DDX60: variants seen among roughly 807,000 people sequenced by gnomAD.
The protein encoded by DDX60 is DExD/H-box helicase 60.
In DDX60, 165 loss-of-function variants were observed where a neutral mutation model predicts 212.8. That is an observed-to-expected ratio of 0.78 (90% CI 0.68 to 0.88). DDX60 has a LOEUF of 0.88. DDX60 is among the 40% of genes least tolerant of loss of function. DDX60 has a pLI of 0.00. For synonymous variants in DDX60, 703 were observed against 685.3 expected (o/e 1.03, Z -0.40); for missense variants, 1,905 against 2,003.9 (o/e 0.95, Z 0.94).
chr4:168,263,438 C>T (rs1173938171), intron 22 of DDX60: 1 of 152,182 alleles, frequency 6.6e-6, no homozygotes, highest in Non-Finnish European at 1.5e-5. Flanking sequence ...ATCACTACTG[C>T]TACAAATCAT....
intron 5 of DDX60, among the ~76,000 whole-genome samples, chr4:168,304,965 C>G (rs1380812956): frequency 2.0e-5 from 3 of 152,204 alleles, no homozygotes; most frequent in Non-Finnish European, 4.4e-5. Context: ...CCCAGGGCAA[C>G]TTCTGGTCCT....
At chr4:168,233,886 T>G (rs1055908575) in intron 33 of DDX60, among the ~76,000 whole-genome samples, 1 of 152,102 alleles carries the variant, frequency 6.6e-6, no homozygotes. Flanking sequence ...AAAATTCATA[T>G]GTGGTCATCC....
chr4:168,303,354 G>A (rs552106458), intron 5 of DDX60, among the ~76,000 whole-genome samples: 1 of 151,838 alleles, frequency 6.6e-6, no homozygotes, highest in South Asian at 2.1e-4. Context: ...TGTAGGTACT[G>A]TTAAAACTCA....
At chr4:168,235,072 T>C (rs879330276) in intron 33 of DDX60, among the ~76,000 whole-genome samples, 14 of 152,136 alleles carry the variant, frequency 9.2e-5, no homozygotes, top group Non-Finnish European at 1.8e-4. Context: ...GCTTCGAAAA[T>C]GTCTTGAGGG....
At chr4:168,285,893 A>G (rs1176719065) in intron 10 of DDX60, among the ~76,000 whole-genome samples, 4 of 110,864 alleles carry the variant, frequency 3.6e-5, no homozygotes, top group African/African-American at 1.6e-4. Context: ...GGAAGGAGGG[A>G]AGAAAGGAAG....
At chr4:168,222,663 C>A (rs1733103679) in intron 35 of DDX60, among the ~76,000 whole-genome samples, 1 of 152,074 alleles carries the variant, frequency 6.6e-6, no homozygotes, top group South Asian at 2.1e-4. Flanking sequence ...GCGTTCACTC[C>A]TGCTGAGACT....
chr4:168,275,292 A>G (rs1735284369), intron 16 of DDX60, 53 bp downstream of exon 16: 1 of 1,464,556 alleles, frequency 6.8e-7, no homozygotes, highest in Admixed American at 2.1e-5. Flanking sequence ...GAAACCTCTG[A>G]GATCACATAT....
chr4:168,312,860 G>A (rs934720592), intron 1 of DDX60, among the ~76,000 whole-genome samples: 1 of 151,174 alleles, frequency 6.6e-6, no homozygotes. Flanking sequence ...TGACTGTAAT[G>A]ACAAATAAGT....
intron 6 of DDX60, among the ~76,000 whole-genome samples, chr4:168,294,979 G>A (rs192921094): frequency 1.1e-4 from 16 of 152,164 alleles, no homozygotes; most frequent in Admixed American, 3.3e-4. Flanking sequence ...TATGCTCAGC[G>A]TTAATAATTA....
chr4:168,321,179 C>A (rs904894115), upstream of DDX60, among the ~76,000 whole-genome samples: 2 of 152,046 alleles, frequency 1.3e-5, no homozygotes, highest in Admixed American at 1.3e-4. Flanking sequence ...ACTCCCATGA[C>A]CACACCCTGG....
intron 33 of DDX60, among the ~76,000 whole-genome samples, chr4:168,229,558 A>G (rs1733374472): frequency 6.6e-6 from 1 of 151,928 alleles, no homozygotes; most frequent in African/African-American, 2.4e-5. Flanking sequence ...GGCTGCAGCA[A>G]GTGGGGAGGT....
chr4:168,239,409 G>GATAC (rs1195104772), intron 30 of DDX60, among the ~76,000 whole-genome samples: 12 of 150,720 alleles, frequency 8.0e-5, no homozygotes, highest in Non-Finnish European at 1.8e-4. Context: ...TAGATAGATA[G>GATAC]ATAGAGGTAG....
At chr4:168,234,196 T>C (rs983086916) in intron 33 of DDX60, among the ~76,000 whole-genome samples, 12 of 152,120 alleles carry the variant, frequency 7.9e-5, no homozygotes, top group South Asian at 2.1e-4. Flanking sequence ...TTTTTCTACA[T>C]TTATCCTCCC....
chr4:168,226,206 C>T lies in DDX60; in HGVS notation c.4534-530G>A, dbSNP rs184324741. Among the ~76,000 whole-genome samples, 139 of 152,058 alleles carry T rather than the reference C, an allele frequency of 9.1e-4. 1 individual carries two copies. Among genetic ancestry groups the T allele is most frequent in the African/African-American group, 2.8e-3 (117 of 41,508 alleles). ...GTTTTGGTATTAAAGCTAACTTTTG[C>T]CCTTAGAAAGAGTAAATATTCCCTC... On this transcript the variant is annotated intron_variant, in intron 33 of 37. Coordinates refer to ENST00000393743, the MANE Select transcript of DDX60 (RefSeq NM_017631.6).
intron 30 of DDX60, among the ~76,000 whole-genome samples, chr4:168,240,801 T>G (rs1443614958): frequency 6.6e-6 from 1 of 152,208 alleles, no homozygotes; most frequent in Non-Finnish European, 1.5e-5. Flanking sequence ...CAAGGTGGAT[T>G]AAAGACTTAA....
At chr4:168,224,477 G>T in intron 34 of DDX60, 92 bp from the exon 35 acceptor site, 1 of 1,257,716 alleles carries the variant, frequency 8.0e-7, no homozygotes, top group Non-Finnish European at 1.1e-6. Context: ...TACAAGGGGA[G>T]CCATTCAGCT....
At chr4:168,275,199 T>G in intron 16 of DDX60, 146 bp downstream of exon 16, 1 of 764,996 alleles carries the variant, frequency 1.3e-6, no homozygotes, top group East Asian at 2.9e-5. Context: ...GGGGAAAAAA[T>G]AGTCCACATT....
chr4:168,252,871 C>T (rs145997359), intron 26 of DDX60, among the ~76,000 whole-genome samples: 4,698 of 152,078 alleles, frequency 0.031, 226 homozygotes, highest in African/African-American at 0.11. Flanking sequence ...ATGGCGTGAT[C>T]TCAGCTCACT....
At chr4:168,287,904 G>A (rs1735930503) in intron 9 of DDX60, among the ~76,000 whole-genome samples, 1 of 152,090 alleles carries the variant, frequency 6.6e-6, no homozygotes, top group Non-Finnish European at 1.5e-5. Flanking sequence ...TAAATGAAAA[G>A]TTCAACTTTT....
Sources: allele counts gnomAD v4.1 joint callset (sites outside exome capture counted in the v4.1 genomes callset), GRCh38; gene constraint gnomAD v4.1.1; transcripts MANE v1.5; gene names NCBI Gene and HGNC (gene_info 2026-07-23, HGNC 2026-07-21).